The following SGCD variants were observed in gnomAD, a reference collection of about 807,000 sequenced individuals.
SGCD encodes the protein sarcoglycan delta, also known as delta-sarcoglycan.
Under a neutral mutation model 36.6 loss-of-function variants are expected in SGCD, and 18 were observed. The ratio of observed to expected loss-of-function variants is 0.49; its 90% CI spans 0.34 to 0.73. The LOEUF is 0.73. Among genes scored for constraint, SGCD ranks in the 30% least tolerant of loss-of-function variants. The pLI is 0.01. For missense variants in SGCD, 387 were observed against 346.7 expected (o/e 1.12, Z -0.92); for synonymous variants, 133 against 130.6 (o/e 1.02, Z -0.12).
chr5:156,040,138 A>T (rs766828655), intron 1 of SGCD, among the ~76,000 whole-genome samples: 1 of 152,184 alleles, frequency 6.6e-6, no homozygotes, highest in Non-Finnish European at 1.5e-5. Context: ...GCGCTGTATA[A>T]ATATAATCAT....
At chr5:156,288,962 T>C (rs1299039385) in intron 3 of SGCD, among the ~76,000 whole-genome samples, 1 of 152,116 alleles carries the variant, frequency 6.6e-6, no homozygotes, top group East Asian at 1.9e-4. Flanking sequence ...AGCACAGAAA[T>C]GGGCACATTA....
At chr5:156,069,622 C>T (rs1760470823) in intron 1 of SGCD, among the ~76,000 whole-genome samples, 1 of 151,908 alleles carries the variant, frequency 6.6e-6, no homozygotes, top group Admixed American at 6.6e-5. Context: ...TTTTTGGTTC[C>T]ATATGAACTT....
intron 1 of SGCD, among the ~76,000 whole-genome samples, chr5:155,872,351 G>GCACACA (rs3085993): frequency 0.017 from 2,419 of 145,058 alleles, 54 homozygotes; most frequent in African/African-American, 0.045. Flanking sequence ...CTTCTCTTCA[G>GCACACA]CACACACACA....
chr5:156,622,254 G>A (rs1005592916), intron 6 of SGCD, among the ~76,000 whole-genome samples: 6 of 151,954 alleles, frequency 3.9e-5, no homozygotes, highest in Non-Finnish European at 7.4e-5. Flanking sequence ...CCAACATGGT[G>A]AAACTTTGTC....
At chr5:156,506,710 T>C (rs954619026) in intron 3 of SGCD, among the ~76,000 whole-genome samples, 2 of 152,164 alleles carry the variant, frequency 1.3e-5, no homozygotes, top group African/African-American at 4.8e-5. Context: ...AAAATGTTTA[T>C]AGTCATAGTT....
chr5:156,219,831 G>A (rs1488534973), intron 3 of SGCD, among the ~76,000 whole-genome samples: 1 of 152,130 alleles, frequency 6.6e-6, no homozygotes, highest in Non-Finnish European at 1.5e-5. Flanking sequence ...CAAAGTTTTA[G>A]CCCCGTATTG....
At chr5:156,259,693 A>G (rs769387014) in intron 3 of SGCD, among the ~76,000 whole-genome samples, 1 of 152,146 alleles carries the variant, frequency 6.6e-6, no homozygotes, top group Non-Finnish European at 1.5e-5. Context: ...TATTGGTAAC[A>G]TAATCCTCAA....
intron 4 of SGCD, among the ~76,000 whole-genome samples, chr5:156,584,898 T>A (rs1252661301): frequency 6.6e-6 from 1 of 152,216 alleles, no homozygotes; most frequent in Non-Finnish European, 1.5e-5. Context: ...CTCTGTTGAC[T>A]CTTAATTTGA....
At chr5:156,396,070 T>A (rs992650375) in intron 3 of SGCD, among the ~76,000 whole-genome samples, 8 of 152,218 alleles carry the variant, frequency 5.3e-5, no homozygotes, top group Admixed American at 6.5e-5. Flanking sequence ...GAAGTCAAGC[T>A]ACCTGGGTAA....
intron 1 of SGCD, among the ~76,000 whole-genome samples, chr5:155,970,844 A>G (rs1757994322): frequency 6.6e-6 from 1 of 152,208 alleles, no homozygotes; most frequent in Non-Finnish European, 1.5e-5. Flanking sequence ...AGTAGCAAGT[A>G]TCAGGACATC....
At chr5:156,180,918 A>T (rs1440458222) in intron 3 of SGCD, among the ~76,000 whole-genome samples, 1 of 152,202 alleles carries the variant, frequency 6.6e-6, no homozygotes, top group Non-Finnish European at 1.5e-5. Flanking sequence ...ATTTGTCTGG[A>T]TGTGATGATG....
In SGCD at chr5:156,444,726, A is replaced by G. The variant is rs538183202; in HGVS notation, c.193-63875A>G. On this transcript the variant is annotated intron_variant, in intron 3 of 8. Transcript: ENST00000337851. ...TAGACATTATGGTTAATTTCATTAC[A>G]GTATATAATGAATGAAGGACATTCA... Among the ~76,000 whole-genome samples the G allele has an allele frequency of 2.6e-5, 4 of 152,296 alleles. No homozygotes were observed. The South Asian group carries it at 8.3e-4, about 32-fold the overall frequency.
intron 1 of SGCD, among the ~76,000 whole-genome samples, chr5:156,053,564 C>T (rs953749202): frequency 1.4e-5 from 2 of 145,882 alleles, no homozygotes; most frequent in African/African-American, 4.9e-5. Context: ...ACATTAAACT[C>T]CAAGTGCAGG....
chr5:156,054,595 A>C (rs1366428304), intron 1 of SGCD, among the ~76,000 whole-genome samples: 1 of 146,612 alleles, frequency 6.8e-6, no homozygotes, highest in Admixed American at 6.8e-5. Context: ...CCTAAACATG[A>C]ACTTTCTATA....
the SGCD span, among the ~76,000 whole-genome samples, chr5:155,758,657 GTGAGGGATCTAGGTTGTGCACTCCTTA>G: frequency 6.6e-6 from 1 of 152,148 alleles, no homozygotes; most frequent in Non-Finnish European, 1.5e-5. Flanking sequence ...AACTGCACAT[GTGAGGGATCTAGGTTGTGCACTCCTTA>G]TGAGAATCTA....
intron 6 of SGCD, among the ~76,000 whole-genome samples, chr5:156,634,548 G>T (rs985085841): frequency 6.6e-6 from 1 of 152,154 alleles, no homozygotes; most frequent in Non-Finnish European, 1.5e-5. Flanking sequence ...GAATGATTCT[G>T]TTTATATGAT....
chr5:156,333,058 C>T (rs921065278), intron 2 of SGCD, among the ~76,000 whole-genome samples: 2 of 152,132 alleles, frequency 1.3e-5, no homozygotes, highest in African/African-American at 4.8e-5. Flanking sequence ...TTTCTAGAAA[C>T]TTTGATTTAA....
At chr5:156,376,263 G>A (rs891950820) in intron 3 of SGCD, among the ~76,000 whole-genome samples, 1 of 152,164 alleles carries the variant, frequency 6.6e-6, no homozygotes, top group African/African-American at 2.4e-5. Flanking sequence ...CAAACATAGA[G>A]TGAGAGAACA....
intron 3 of SGCD, among the ~76,000 whole-genome samples, chr5:156,413,836 A>G (rs2127771653): frequency 6.6e-6 from 1 of 151,738 alleles, no homozygotes; most frequent in South Asian, 2.1e-4. Flanking sequence ...GAAAATTGGG[A>G]AAAGGATTTT....
Sources: gnomAD v4.1 joint callset for allele counts (sites outside exome capture counted in the v4.1 genomes callset) on GRCh38, gnomAD v4.1.1 for gene constraint, MANE v1.5 for transcripts, NCBI Gene and HGNC (gene_info 2026-07-23, HGNC 2026-07-21) for gene names.